Variants in ARSB observed in about 807,000 individuals in gnomAD.
The protein encoded by ARSB is N-acetylgalactosamine-4-sulfatase.
ARSB carries 41 observed loss-of-function variants against 50.9 expected under a neutral mutation model. That is an observed-to-expected ratio of 0.81 (90% CI 0.63 to 1.04). The LOEUF (loss-of-function observed/expected upper bound fraction) is 1.04, where lower values mean the gene tolerates loss of function less well. Ranked by LOEUF, ARSB falls within the 50% of genes least tolerant of loss-of-function variation. The pLI, the probability that ARSB is intolerant of heterozygous loss-of-function variation, is 0.00. For missense variants in ARSB, 672 were observed against 693.3 expected (o/e 0.97, Z 0.35); for synonymous variants, 269 against 284.8 (o/e 0.94, Z 0.56).
intron 6 of ARSB, among the ~76,000 whole-genome samples, chr5:78,833,565 A>C (rs1744791001): frequency 6.6e-6 from 1 of 152,146 alleles, no homozygotes; most frequent in Admixed American, 6.5e-5. Flanking sequence ...CAGTGGAGGG[A>C]GGAAGGGGAT....
chr5:78,801,870 A>G (rs987427704), intron 6 of ARSB, among the ~76,000 whole-genome samples: 2 of 151,968 alleles, frequency 1.3e-5, no homozygotes, highest in Non-Finnish European at 2.9e-5. Context: ...AGGGATATCT[A>G]ACTGCTCAGG....
At chr5:78,851,773 G>A (rs533277203) in intron 5 of ARSB, among the ~76,000 whole-genome samples, 11 of 152,312 alleles carry the variant, frequency 7.2e-5, no homozygotes, top group Admixed American at 6.5e-4. Context: ...ATTTAGGATA[G>A]TTAGCTCTTC....
intron 4 of ARSB, among the ~76,000 whole-genome samples, chr5:78,935,324 G>A (rs894205917): frequency 2.0e-5 from 3 of 152,160 alleles, no homozygotes; most frequent in Non-Finnish European, 4.4e-5. Flanking sequence ...TGAAAAATGT[G>A]TCATAATAAT....
At chr5:78,976,140 A>G (rs915069565) in intron 1 of ARSB, among the ~76,000 whole-genome samples, 1 of 152,144 alleles carries the variant, frequency 6.6e-6, no homozygotes, top group Non-Finnish European at 1.5e-5. Context: ...CAAGAAACCA[A>G]TAAACAGGAG....
intron 4 of ARSB, among the ~76,000 whole-genome samples, chr5:78,888,019 C>T (rs1361112708): frequency 6.6e-6 from 1 of 152,232 alleles, no homozygotes; most frequent in East Asian, 1.9e-4. Context: ...GCCCTTAACA[C>T]ACCAGTTCTC....
chr5:78,984,776 G>A (rs946184840), intron 1 of ARSB, among the ~76,000 whole-genome samples, 161 bp downstream of exon 1: 3 of 151,922 alleles, frequency 2.0e-5, no homozygotes, highest in Admixed American at 6.6e-5. Context: ...CTGCCGGCCT[G>A]GAAGAGCGAG....
chr5:78,858,308 T>A (rs181780993), intron 5 of ARSB, among the ~76,000 whole-genome samples: 1 of 152,354 alleles, frequency 6.6e-6, no homozygotes, highest in East Asian at 1.9e-4. Context: ...TATATCATTG[T>A]CTCTGATGAT....
At chr5:78,939,552 G>A (rs954756692) in intron 4 of ARSB, among the ~76,000 whole-genome samples, 6 of 151,912 alleles carry the variant, frequency 3.9e-5, no homozygotes, top group South Asian at 4.1e-4. Flanking sequence ...TTCTCTTTGC[G>A]ATAGATTGCT....
intron 4 of ARSB, among the ~76,000 whole-genome samples, chr5:78,899,695 T>C (rs1299087452): frequency 6.6e-6 from 1 of 152,200 alleles, no homozygotes; most frequent in Non-Finnish European, 1.5e-5. Context: ...TCAATCTCTT[T>C]GTTAGATTTC....
At chr5:78,869,709 C>G (rs1374082947) in intron 5 of ARSB, among the ~76,000 whole-genome samples, 4 of 149,594 alleles carry the variant, frequency 2.7e-5, no homozygotes, top group Non-Finnish European at 6.0e-5. Context: ...CAAGAGAAAG[C>G]AGGAAAGATC....
intron 2 of ARSB, among the ~76,000 whole-genome samples, chr5:78,968,134 T>G (rs1440109610): frequency 6.6e-6 from 1 of 151,882 alleles, no homozygotes. Flanking sequence ...TCATTTTCCT[T>G]TGTTTTTTAA....
intron 5 of ARSB, among the ~76,000 whole-genome samples, chr5:78,869,754 C>CT (rs1489236754): frequency 6.9e-6 from 1 of 145,736 alleles, no homozygotes; most frequent in Non-Finnish European, 1.5e-5. Flanking sequence ...ATTAAAACAA[C>CT]TAGAAAAGCA....
chr5:78,866,193 G>A (rs545670608), intron 5 of ARSB, among the ~76,000 whole-genome samples: 15 of 152,184 alleles, frequency 9.9e-5, no homozygotes, highest in Non-Finnish European at 1.8e-4. Flanking sequence ...GGTTTATTTG[G>A]ACTTACAGTT....
chr5:78,959,497 C>T (rs750881466), intron 3 of ARSB, among the ~76,000 whole-genome samples: 4 of 151,862 alleles, frequency 2.6e-5, no homozygotes, highest in Non-Finnish European at 2.9e-5. Flanking sequence ...CTGTGCTTCC[C>T]AAGAGGCCAT....
At chr5:78,918,338 A>T (rs936279295) in intron 4 of ARSB, among the ~76,000 whole-genome samples, 9 of 152,164 alleles carry the variant, frequency 5.9e-5, no homozygotes, top group Admixed American at 1.3e-4. Context: ...CTTTTCAGGG[A>T]TGTTTTAATT....
chr5:78,825,159 C>CCATTG (rs1744381312), intron 6 of ARSB, among the ~76,000 whole-genome samples: 1 of 152,134 alleles, frequency 6.6e-6, no homozygotes, highest in African/African-American at 2.4e-5. Flanking sequence ...CAAGCAGATA[C>CCATTG]TGCACAATGG....
intron 6 of ARSB, among the ~76,000 whole-genome samples, chr5:78,814,653 G>A (rs953261788): frequency 8.6e-5 from 13 of 150,658 alleles, no homozygotes; most frequent in Non-Finnish European, 1.5e-4. Context: ...ACCCACTGTT[G>A]GGTGTTGTTC....
Position 78,968,315 on chromosome 5 carries a change from T to TTTATTA in ARSB, c.499+685_499+690dup, listed in dbSNP as rs138887783. ...TGTGAAGGAAATATTCATTTTTTAT[T>TTTATTA]TTATTATTATTATTATTATTATTAT... On this transcript the variant is annotated intron_variant, in intron 2 of 7. Transcript: ENST00000264914. 3.6e-3 allele frequency among the ~76,000 whole-genome samples: 520 copies of TTTATTA among 143,148 alleles called. 1 individual carries two copies. Among genetic ancestry groups the TTTATTA allele is most frequent in the East Asian group, 4.3e-3 (21 of 4,908 alleles). The allele number at this position is 143,148 out of a possible 152,430, so 93.9% of individuals were successfully genotyped here. A position where few individuals can be genotyped will look rare whatever the true frequency, so the allele number is the denominator to read the frequency against.
intron 5 of ARSB, among the ~76,000 whole-genome samples, chr5:78,863,917 A>T (rs949192536): frequency 6.6e-6 from 1 of 151,812 alleles, no homozygotes; most frequent in Non-Finnish European, 1.5e-5. Context: ...AGAACATGTG[A>T]ATTTTTAGAT....
Sources: gnomAD v4.1 joint callset for allele counts (sites outside exome capture counted in the v4.1 genomes callset) on GRCh38, gnomAD v4.1.1 for gene constraint, MANE v1.5 for transcripts, NCBI Gene and HGNC (gene_info 2026-07-23, HGNC 2026-07-21) for gene names.